GRID1: variants seen among roughly 807,000 people sequenced by gnomAD.
GRID1 encodes the protein glutamate ionotropic receptor delta type subunit 1.
Under a neutral mutation model 98.0 loss-of-function variants are expected in GRID1, and 28 were observed. The ratio of observed to expected loss-of-function variants is 0.29; its 90% CI spans 0.21 to 0.39. GRID1 has a LOEUF of 0.39. Among genes scored for constraint, GRID1 ranks in the 10% least tolerant of loss-of-function variants. GRID1 has a pLI of 1.00. For synonymous variants in GRID1, 553 were observed against 538.5 expected (o/e 1.03, Z -0.37); for missense variants, 1,111 against 1,340.5 (o/e 0.83, Z 2.67).
intron 8 of GRID1, among the ~76,000 whole-genome samples, chr10:85,797,259 G>C (rs1354299121): frequency 6.6e-6 from 1 of 151,684 alleles, no homozygotes; most frequent in Non-Finnish European, 1.5e-5. Flanking sequence ...TTTATTTTTA[G>C]ATATATGGGG....
chr10:86,187,294 G>T (rs1171282039), intron 3 of GRID1, among the ~76,000 whole-genome samples: 1 of 152,204 alleles, frequency 6.6e-6, no homozygotes, highest in African/African-American at 2.4e-5. Context: ...GGCACTGAGT[G>T]TTATTCTGGT....
chr10:85,874,551 T>C (rs905654719), intron 5 of GRID1, among the ~76,000 whole-genome samples: 6 of 152,218 alleles, frequency 3.9e-5, no homozygotes, highest in African/African-American at 1.4e-4. Flanking sequence ...TTGGTTCTCT[T>C]GCATGTTAAT....
intron 3 of GRID1, among the ~76,000 whole-genome samples, chr10:86,158,127 C>T (rs1845271755): frequency 6.6e-6 from 1 of 152,192 alleles, no homozygotes; most frequent in African/African-American, 2.4e-5. Context: ...GCTCCGGGTC[C>T]ATGGAAGAAT....
At chr10:86,180,621 C>T (rs1413375234) in intron 3 of GRID1, among the ~76,000 whole-genome samples, 1 of 152,124 alleles carries the variant, frequency 6.6e-6, no homozygotes, top group Non-Finnish European at 1.5e-5. Context: ...CAAGTGCACC[C>T]ACTTCCTAGG....
chr10:85,949,570 C>T (rs1381645543), intron 4 of GRID1, among the ~76,000 whole-genome samples: 1 of 152,010 alleles, frequency 6.6e-6, no homozygotes, highest in Non-Finnish European at 1.5e-5. Flanking sequence ...CAGGTTTTTG[C>T]TATTATGGAT....
intron 4 of GRID1, among the ~76,000 whole-genome samples, chr10:86,012,290 G>T (rs949395274): frequency 1.6e-4 from 24 of 152,226 alleles, no homozygotes; most frequent in Middle Eastern, 3.4e-3. Flanking sequence ...TAAAGTGTTG[G>T]TCAACTGCAG....
At chr10:85,724,320 G>A in intron 11 of GRID1, 32 bp downstream of exon 11, 1 of 1,552,482 alleles carries the variant, frequency 6.4e-7, no homozygotes, top group South Asian at 1.1e-5. Context: ...GGCCCCTAGA[G>A]CTATTCAATG....
intron 4 of GRID1, among the ~76,000 whole-genome samples, chr10:85,972,237 T>A (rs1184400944): frequency 6.6e-6 from 1 of 151,524 alleles, no homozygotes; most frequent in Non-Finnish European, 1.5e-5. Flanking sequence ...AGTCTCTTTT[T>A]CCCCCGGTAC....
intron 12 of GRID1, among the ~76,000 whole-genome samples, chr10:85,690,716 A>C (rs1228199650): frequency 6.6e-6 from 1 of 152,198 alleles, no homozygotes; most frequent in East Asian, 1.9e-4. Flanking sequence ...CTTCCAAATA[A>C]ATCATTTGTA....
chr10:85,727,827 TC>T (rs1335790186), intron 10 of GRID1, 27 bp downstream of exon 10: 9 of 1,547,442 alleles, frequency 5.8e-6, no homozygotes, highest in Non-Finnish European at 6.2e-6. Flanking sequence ...AGGGTGCCCC[TC>T]CCCCTGGATC....
At chr10:86,033,404 C>G (rs1843213518) in intron 4 of GRID1, among the ~76,000 whole-genome samples, 1 of 152,158 alleles carries the variant, frequency 6.6e-6, no homozygotes, top group South Asian at 2.1e-4. Context: ...ATGAATGATG[C>G]TTCAGTCTCT....
intron 12 of GRID1, among the ~76,000 whole-genome samples, chr10:85,667,804 A>C (rs534577399): frequency 6.6e-6 from 1 of 152,246 alleles, no homozygotes. Context: ...ATTGCTTTAA[A>C]CCCTGATAAC....
At chr10:85,677,411 G>A (rs1841157058) in intron 12 of GRID1, among the ~76,000 whole-genome samples, 1 of 152,144 alleles carries the variant, frequency 6.6e-6, no homozygotes, top group Non-Finnish European at 1.5e-5. Context: ...CTTAGTTCCT[G>A]GATGCATCAA....
At chr10:86,127,697 A>G (rs1407110694) in intron 4 of GRID1, among the ~76,000 whole-genome samples, 1 of 152,038 alleles carries the variant, frequency 6.6e-6, no homozygotes, top group African/African-American at 2.4e-5. Flanking sequence ...TTACCACCCG[A>G]GGTGCACCCC....
intron 12 of GRID1, chr10:85,647,733 T>C (rs141627950): frequency 4.5e-6 from 1 of 223,178 alleles, no homozygotes; most frequent in East Asian, 9.4e-5. Context: ...GAAGCAAACA[T>C]ATAGACAGAG....
chr10:86,018,147 G>T (rs746053971), intron 4 of GRID1, among the ~76,000 whole-genome samples: 1 of 152,258 alleles, frequency 6.6e-6, no homozygotes. Flanking sequence ...CAGTCTGCTC[G>T]CCTCTGTTCC....
At chr10:85,638,052 G>A (rs1178559541) in intron 13 of GRID1, among the ~76,000 whole-genome samples, 1 of 152,078 alleles carries the variant, frequency 6.6e-6, no homozygotes, top group African/African-American at 2.4e-5. Flanking sequence ...GAAAACAAGT[G>A]TAAAATTAAT....
At chr10:85,805,119 G>C (rs1284904902) in intron 8 of GRID1, among the ~76,000 whole-genome samples, 1 of 150,964 alleles carries the variant, frequency 6.6e-6, no homozygotes, top group Non-Finnish European at 1.5e-5. Context: ...TAATATATAG[G>C]AATATAATAA....
intron 8 of GRID1, among the ~76,000 whole-genome samples, chr10:85,830,522 A>G (rs1356672284): frequency 7.0e-6 from 1 of 142,042 alleles, no homozygotes; most frequent in Non-Finnish European, 1.5e-5. Flanking sequence ...TAAACAGACA[A>G]CTTACAGAGT....
Sources: allele counts gnomAD v4.1 joint callset (sites outside exome capture counted in the v4.1 genomes callset), GRCh38; gene constraint gnomAD v4.1.1; transcripts MANE v1.5; gene names NCBI Gene and HGNC (gene_info 2026-07-23, HGNC 2026-07-21).